Variants in ARHGAP22 observed in about 807,000 individuals in gnomAD.
ARHGAP22 encodes rho GTPase-activating protein 22.
Under a neutral mutation model 59.1 loss-of-function variants are expected in ARHGAP22, and 48 were observed. The ratio of observed to expected loss-of-function variants is 0.81; its 90% CI spans 0.64 to 1.03. The LOEUF (loss-of-function observed/expected upper bound fraction) is 1.03. ARHGAP22 is among the 50% of genes least tolerant of loss of function. The pLI is 0.00. For synonymous variants in ARHGAP22, 445 were observed against 416.4 expected, an observed-to-expected ratio of 1.07 and a Z score of -0.84; for missense variants, 1,015 against 958.7, an observed-to-expected ratio of 1.06 and a Z score of -0.78.
At chr10:48,551,996 T>C (rs1247125049) in intron 3 of ARHGAP22, among the ~76,000 whole-genome samples, 7 of 152,254 alleles carry the variant, frequency 4.6e-5, no homozygotes, top group East Asian at 1.9e-4. Context: ...CAACAGGGCC[T>C]GCACTTTCTG....
In ARHGAP22 at chr10:48,583,006, G is replaced by A; in HGVS notation, c.181C>T (p.Leu61=). The stretch of plus-strand genomic sequence containing the variant: ...TAGTAGAAAAGCTGATCCCCACGCA[G>A]CACAAACCAGCGCTGCTGCCAGTTC... ...MKNWQQRWFV[L]RGDQLFYYKD... The change falls in exon 2 of 10, where the codon CTG becomes TTG. Residue 61 remains leucine, a synonymous_variant. Coordinates refer to ENST00000249601, the MANE Select transcript of ARHGAP22 (RefSeq NM_021226.4). 1 of 1,614,244 alleles carries A rather than the reference G, an allele frequency of 6.2e-7. No individual in the cohort carries two copies. The highest frequency in any genetic ancestry group is 8.5e-7 in the Non-Finnish European group (1 of 1,180,036).
intron 4 of ARHGAP22, among the ~76,000 whole-genome samples, chr10:48,461,609 G>A (rs573100161): frequency 6.0e-4 from 91 of 152,294 alleles, no homozygotes; most frequent in African/African-American, 2.1e-3. Flanking sequence ...TAGGCTAAGA[G>A]GTTCCTGGCA....
intron 3 of ARHGAP22, among the ~76,000 whole-genome samples, chr10:48,513,728 C>A (rs1589860628): frequency 6.6e-6 from 1 of 152,108 alleles, no homozygotes. Context: ...TAGGTTTCAA[C>A]AAAAGATTGT....
At chr10:48,505,396 CCCCACTCCCAT>C (rs1363543275) in intron 3 of ARHGAP22, among the ~76,000 whole-genome samples, 1 of 152,130 alleles carries the variant, frequency 6.6e-6, no homozygotes, top group Non-Finnish European at 1.5e-5. Context: ...GGTGGCATCG[CCCCACTCCCAT>C]CCCACTCCCC....
intron 9 of ARHGAP22, among the ~76,000 whole-genome samples, chr10:48,449,932 G>T (rs887372588): frequency 6.6e-6 from 1 of 152,218 alleles, no homozygotes; most frequent in Non-Finnish European, 1.5e-5. Flanking sequence ...GCCTCCAGGG[G>T]CCGCCCCCTC....
In ARHGAP22 at chr10:48,604,824, C is replaced by T. The variant is rs768015669; in HGVS notation, c.-28G>A. The T allele has an allele frequency of 1.2e-5, 19 of 1,614,016 alleles. No individual in the cohort carries two copies. In the Admixed American group the frequency reaches 1.5e-4, roughly 13 times the overall value. ...TCTTGCAGCCGTCCGGCCAGCCCCG[C>T]AGGGCCGTTCATGCTGTCATCCACT... On this transcript the variant is annotated 5_prime_UTR_variant, in exon 1 of 10. Transcript: ENST00000249601.
At chr10:48,505,028 T>C (rs2051947709) in intron 3 of ARHGAP22, among the ~76,000 whole-genome samples, 1 of 121,442 alleles carries the variant, frequency 8.2e-6, no homozygotes, top group Non-Finnish European at 1.7e-5. Context: ...CACCCTGCTT[T>C]CTCTGTCTCC....
intron 1 of ARHGAP22, among the ~76,000 whole-genome samples, chr10:48,601,255 C>T (rs2060362520): frequency 6.6e-6 from 1 of 152,116 alleles, no homozygotes; most frequent in Non-Finnish European, 1.5e-5. Flanking sequence ...CTATGAGTGT[C>T]CCTGAAGGGC....
chr10:48,636,770 G>A (rs113106470), intron 1 of ARHGAP22, among the ~76,000 whole-genome samples: 86 of 152,346 alleles, frequency 5.6e-4, no homozygotes, highest in Non-Finnish European at 9.8e-4. Context: ...AAGAGGCCAC[G>A]AAGTGGGCAG....
chr10:48,618,427 A>G (rs1329129529), intron 1 of ARHGAP22, among the ~76,000 whole-genome samples: 1 of 152,148 alleles, frequency 6.6e-6, no homozygotes, highest in African/African-American at 2.4e-5. Context: ...TCTGATGAAA[A>G]TAGATACAAA....
At chr10:48,591,257 C>A (rs1041010487) in intron 1 of ARHGAP22, among the ~76,000 whole-genome samples, 1 of 152,196 alleles carries the variant, frequency 6.6e-6, no homozygotes, top group Non-Finnish European at 1.5e-5. Flanking sequence ...GAGGTCAAAA[C>A]CCTGGGTGTA....
At chr10:48,562,976 T>C in intron 2 of ARHGAP22, among the ~76,000 whole-genome samples, 1 of 152,154 alleles carries the variant, frequency 6.6e-6, no homozygotes, top group Non-Finnish European at 1.5e-5. Context: ...CTATAGTCAA[T>C]AGCTGGCACG....
At chr10:48,559,954 T>C (rs7894707) in intron 2 of ARHGAP22, among the ~76,000 whole-genome samples, 40,461 of 152,058 alleles carry the variant, frequency 0.27, 6,046 homozygotes, top group African/African-American at 0.4. Context: ...TTGAAGTAGA[T>C]TCATGTACCC....
Position 48,476,065 on chromosome 10 carries a change from C to T in ARHGAP22, c.451+3571G>A, listed in dbSNP as rs902825310. 3.9e-5 allele frequency among the ~76,000 whole-genome samples: 6 copies of T among 152,202 alleles called. No homozygotes were observed. The South Asian group carries it at 6.2e-4, about 16-fold the overall frequency. On this transcript the variant is annotated intron_variant, in intron 4 of 9. Coordinates refer to ENST00000249601, the MANE Select transcript of ARHGAP22 (RefSeq NM_021226.4). ...CTGCCTCTTCTGTCCCCACTGTGCCCACCATCTAACCTGCCATGTGCCTGC... is the reference window on the plus strand; with the variant it reads ...CTGCCTCTTCTGTCCCCACTGTGCCTACCATCTAACCTGCCATGTGCCTGC...
chr10:48,513,775 C>T (rs566777339), intron 3 of ARHGAP22, among the ~76,000 whole-genome samples: 1 of 152,164 alleles, frequency 6.6e-6, no homozygotes, highest in African/African-American at 2.4e-5. Flanking sequence ...ATGGCCCATA[C>T]ACACACAAAA....
intron 4 of ARHGAP22, among the ~76,000 whole-genome samples, chr10:48,476,758 C>T (rs561219942): frequency 9.2e-5 from 14 of 152,328 alleles, no homozygotes; most frequent in African/African-American, 2.9e-4. Context: ...TGCCAAAGAT[C>T]CCCAATTCTG....
rs1377990019 is a variant in ARHGAP22 at position 48,450,268 on chromosome 10, C to T, written c.1861G>A (p.Val621Met). ...CACGGGGCAGCAAGTTACCTTTTCA[C>T]ACTCCTCTCGTACTCAGTCCGCTGG... ...CRQRTEYERSVKRIEEGSADL... is the reference protein window; with the variant it reads ...CRQRTEYERSMKRIEEGSADL... Residue 621 changes from valine (V) to methionine (M), a missense_variant, in exon 9 of 10, where the codon GTG becomes ATG. Transcript: ENST00000249601. 2 of 1,609,396 alleles carry T rather than the reference C, an allele frequency of 1.2e-6. No individual in the cohort carries two copies.
intron 1 of ARHGAP22, among the ~76,000 whole-genome samples, chr10:48,587,699 C>T (rs976291784): frequency 2.5e-4 from 38 of 152,230 alleles, no homozygotes; most frequent in African/African-American, 8.9e-4. Flanking sequence ...TTAGTGGGGA[C>T]TGAAGTCATG....
intron 4 of ARHGAP22, among the ~76,000 whole-genome samples, chr10:48,476,432 C>T (rs1214753578): frequency 7.9e-5 from 12 of 152,214 alleles, no homozygotes; most frequent in Non-Finnish European, 1.5e-4. Context: ...GGCTCAGGGG[C>T]TCTGTTACAA....
Sources: gnomAD v4.1 joint callset for allele counts (sites outside exome capture counted in the v4.1 genomes callset) on GRCh38, gnomAD v4.1.1 for gene constraint, MANE v1.5 for transcripts, NCBI Gene and HGNC (gene_info 2026-07-23, HGNC 2026-07-21) for gene names.